Variants in GNMT observed in about 807,000 individuals in gnomAD.
The protein encoded by GNMT is epididymis secretory sperm binding protein Li 182mP.
GNMT carries 26 observed loss-of-function variants against 30.2 expected under a neutral mutation model. The ratio of observed to expected loss-of-function variants is 0.86; its 90% CI spans 0.63 to 1.19. The LOEUF (loss-of-function observed/expected upper bound fraction) is 1.19. GNMT is among the 50% of genes most tolerant of loss of function. The pLI is 0.00. For missense variants in GNMT, 365 were observed against 398.1 expected, an observed-to-expected ratio of 0.92 and a Z score of 0.71; for synonymous variants, 163 against 163.8, an observed-to-expected ratio of 1.00 and a Z score of 0.04.
At chr6:42,962,580 C>T (rs1362071721) in intron 2 of GNMT, among the ~76,000 whole-genome samples, 182 bp from the exon 3 acceptor site, 1 of 152,126 alleles carries the variant, frequency 6.6e-6, no homozygotes, top group East Asian at 1.9e-4. Context: ...AACCCATAAG[C>T]ACAGAGCCCT....
intron 1 of GNMT, among the ~76,000 whole-genome samples, 174 bp from the exon 2 acceptor site, chr6:42,962,038 C>A (rs184633289): frequency 1.3e-5 from 2 of 152,162 alleles, no homozygotes; most frequent in East Asian, 3.9e-4. Context: ...AAAAAAGTTG[C>A]CTTGTGGTGA....
At chr6:42,963,020 G>A in intron 3 of GNMT, 52 bp from the exon 4 acceptor site, 4 of 1,609,640 alleles carry the variant, frequency 2.5e-6, no homozygotes, top group Non-Finnish European at 8.5e-7. Context: ...AGGGAGACTG[G>A]TGCTGGGGGC....
At chr6:42,961,038 G>C (rs1372473713) in intron 1 of GNMT, 65 bp downstream of exon 1, 1 of 1,334,724 alleles carries the variant, frequency 7.5e-7, no homozygotes, top group Admixed American at 2.3e-5. Flanking sequence ...TGTACTGCGC[G>C]GCCGCAGAAC....
rs936866741 is a variant in GNMT at position 42,963,632 on chromosome 6, G to A, written c.814G>A (p.Asp272Asn). ...TAAGTGCCAGCACAGCGTCCTGGGC[G>A]ACTTCAAGCCTTACAAGCCAGGCCA... The part of the protein sequence containing the change: ...GGKCQHSVLG[D>N]FKPYKPGQTY... The change falls in exon 6 of 6, where the codon GAC (aspartate) becomes AAC (asparagine). Residue 272 changes from aspartate to asparagine, a missense_variant. By Grantham distance (23) the Asp-to-Asn change is conservative (BLOSUM62 1). Around this residue, in one of 3 missense-constraint regions of GNMT, gnomAD observed 232 missense variants for 263.0 expected, o/e 0.88. Coordinates refer to ENST00000372808, the MANE Select transcript of GNMT (RefSeq NM_018960.6). 8 of 1,614,036 alleles carry A rather than the reference G, an allele frequency of 5.0e-6. No homozygotes were observed. The highest frequency in any genetic ancestry group is 2.7e-5 in the African/African-American group (2 of 74,914).
At position 42,963,152 on chromosome 6, in the gene GNMT, C is replaced by A; in HGVS notation, c.532C>A (p.Arg178Ser). ...AGGGGGCCTACTGGTCATTGATCAT[C>A]GCAACTACGACCACATCCTCAGTAC... The part of the protein sequence containing the change: ...RAGGLLVIDH[R>S]NYDHILSTGC... Residue 178 changes from arginine (R) to serine (S), a missense_variant, in exon 4 of 6, where the codon CGC becomes AGC. Transcript: ENST00000372808. The A allele has an allele frequency of 1.2e-6, 2 of 1,611,618 alleles. No individual in the cohort carries two copies. Among genetic ancestry groups the A allele is most frequent in the Non-Finnish European group, 1.7e-6 (2 of 1,179,746 alleles).
At position 42,963,056 on chromosome 6, in the gene GNMT, C is replaced by T. The variant is rs200406766; in HGVS notation, c.452-16C>T. The T allele has an allele frequency of 1.0e-4, 161 of 1,611,036 alleles. No homozygotes were observed. The East Asian group carries it at 2.5e-3, about 25-fold the overall frequency. On this transcript the variant is annotated splice_polypyrimidine_tract_variant and intron_variant, in intron 3 of 5. Coordinates refer to ENST00000372808, the MANE Select transcript of GNMT (RefSeq NM_018960.6). Reference sequence around the variant, plus strand: ...CCTGAGCAGATGGAGTCTTTCTGCCCGTGCCTGGAGCTCAGGGGACCAGAG... The same window carrying T: ...CCTGAGCAGATGGAGTCTTTCTGCCTGTGCCTGGAGCTCAGGGGACCAGAG...
intron 2 of GNMT, 100 bp from the exon 3 acceptor site, chr6:42,962,662 T>G (rs530437991): frequency 1.7e-5 from 15 of 876,892 alleles, no homozygotes; most frequent in East Asian, 9.6e-5. Flanking sequence ...GGAGCTTGTG[T>G]GTCTTAAGAA....
chr6:42,962,135 C>T (rs2114227148), intron 1 of GNMT, 77 bp from the exon 2 acceptor site: 2 of 1,514,838 alleles, frequency 1.3e-6, no homozygotes, highest in Non-Finnish European at 9.2e-7. Context: ...CAAAAGTGTC[C>T]AGTGCAGGGT....
At chr6:42,962,686 G>T in intron 2 of GNMT, 76 bp from the exon 3 acceptor site, 1 of 999,922 alleles carries the variant, frequency 1.0e-6, no homozygotes, top group South Asian at 1.3e-5. Context: ...ACCCAGGCAG[G>T]ACTGCACTTG....
chr6:42,961,356 C>A (rs940534478), intron 1 of GNMT, among the ~76,000 whole-genome samples: 61 of 152,086 alleles, frequency 4.0e-4, no homozygotes, highest in Non-Finnish European at 1.3e-4. Context: ...ACCTGCCAAG[C>A]CCAGTGCCAG....
At chr6:42,962,084 T>G in intron 1 of GNMT, 128 bp from the exon 2 acceptor site, 1 of 1,077,464 alleles carries the variant, frequency 9.3e-7, no homozygotes, top group South Asian at 1.3e-5. Flanking sequence ...GGAGAGGGCC[T>G]GGGGAGAGGA....
intron 4 of GNMT, 40 bp downstream of exon 4, chr6:42,963,254 G>A (rs1346712572): frequency 5.5e-6 from 8 of 1,459,658 alleles, no homozygotes; most frequent in South Asian, 1.2e-5. Context: ...GGGGGTGGGG[G>A]TGGGGTGGAG....
intron 2 of GNMT, 26 bp downstream of exon 2, chr6:42,962,365 C>G: frequency 1.2e-6 from 2 of 1,613,230 alleles, no homozygotes; most frequent in Non-Finnish European, 1.7e-6. Context: ...CAGGCTCCCC[C>G]AGCCCAGTCA....
chr6:42,961,953 C>G lies in GNMT; in HGVS notation c.207-259C>G, dbSNP rs572330105. Among the ~76,000 whole-genome samples the G allele has an allele frequency of 3.3e-5, 5 of 152,258 alleles. No individual in the cohort carries two copies. In the East Asian group the frequency reaches 9.6e-4, roughly 29 times the overall value. On this transcript the variant is annotated intron_variant, in intron 1 of 5. Transcript: ENST00000372808. ...GTCTGTCTCTCAAATGGGAATGACACTATTTACCTCTCAGGATTGCCATGA... is the reference window on the plus strand; with the variant it reads ...GTCTGTCTCTCAAATGGGAATGACAGTATTTACCTCTCAGGATTGCCATGA...
At chr6:42,961,550 C>CTTTTTTTTTTTTTTTTTTT (rs575786265) in intron 1 of GNMT, among the ~76,000 whole-genome samples, 2 of 130,620 alleles carry the variant, frequency 1.5e-5, no homozygotes, top group Non-Finnish European at 3.2e-5. Context: ...CTATTTTTCT[C>CTTTTTTTTTTTTTTTTTTT]TTTTTTTTTT....
Position 42,962,358 on chromosome 6 carries a change from G to T in GNMT, c.334+19G>T. ...AAGTGGGGTATGCAGGTCTAGCCAG[G>T]CTCCCCCAGCCCAGTCACCAGGAAC... On this transcript the variant is annotated intron_variant, in intron 2 of 5. Coordinates refer to ENST00000372808, the MANE Select transcript of GNMT (RefSeq NM_018960.6). 6.2e-7 allele frequency: 1 copy of T among 1,613,650 alleles called. No homozygotes were observed. The highest frequency in any genetic ancestry group is 8.5e-7 in the Non-Finnish European group (1 of 1,179,844).
At position 42,960,940 on chromosome 6, in the gene GNMT, G is replaced by T; in HGVS notation, c.173G>T (p.Cys58Phe). ...CTTGGGCTGCTGCGCCAGCACGGCTGCCAGCGGGTGCTCGACGTAGCCTGT... is the reference window on the plus strand; with the variant it reads ...CTTGGGCTGCTGCGCCAGCACGGCTTCCAGCGGGTGCTCGACGTAGCCTGT... ...WLLGLLRQHG[C>F]QRVLDVACGT... is the part of the protein sequence containing the mutation. The change falls in exon 1 of 6, where the codon TGC (cysteine) becomes TTC (phenylalanine). Residue 58 changes from cysteine to phenylalanine, a missense_variant. By Grantham distance (205) the Cys-to-Phe change is radical. This residue lies in a region of GNMT where 125 missense variants were observed against 112.0 expected (regional missense o/e 1.12). Coordinates refer to ENST00000372808, the MANE Select transcript of GNMT (RefSeq NM_018960.6). 6.4e-7 allele frequency: 1 copy of T among 1,563,966 alleles called. No homozygotes were observed.
intron 1 of GNMT, among the ~76,000 whole-genome samples, chr6:42,961,632 C>T (rs1478050986): frequency 2.0e-5 from 3 of 149,770 alleles, no homozygotes; most frequent in African/African-American, 7.3e-5. Flanking sequence ...CGGCTCACTG[C>T]AAGCTCCGCC....
At chr6:42,961,133 G>T (rs780289528) in intron 1 of GNMT, among the ~76,000 whole-genome samples, 160 bp downstream of exon 1, 5 of 152,252 alleles carry the variant, frequency 3.3e-5, no homozygotes, top group Non-Finnish European at 7.3e-5. Flanking sequence ...CTGCCCGGCA[G>T]AACAGGCACT....
Sources: allele counts gnomAD v4.1 joint callset (sites outside exome capture counted in the v4.1 genomes callset), GRCh38; gene constraint gnomAD v4.1.1; regional missense constraint gnomAD v4.1.1; transcripts MANE v1.5; gene names NCBI Gene and HGNC (gene_info 2026-07-23, HGNC 2026-07-21).